STK3: variants seen among roughly 807,000 people sequenced by gnomAD.
STK3 encodes the protein serine/threonine kinase 3, also known as serine/threonine-protein kinase 3.
STK3 carries 41 observed loss-of-function variants against 58.0 expected under a neutral mutation model. The ratio of observed to expected loss-of-function variants is 0.71; its 90% CI spans 0.55 to 0.92. The LOEUF (loss-of-function observed/expected upper bound fraction) is 0.92, where lower values mean the gene tolerates loss of function less well. Among genes scored for constraint, STK3 ranks in the 40% least tolerant of loss-of-function variants. The pLI is 0.00. For synonymous variants in STK3, 170 were observed against 191.0 expected (o/e 0.89, Z 0.91); for missense variants, 479 against 602.7 (o/e 0.79, Z 2.15).
intron 8 of STK3, among the ~76,000 whole-genome samples, chr8:98,572,679 C>T (rs187201238): frequency 4.6e-5 from 7 of 152,198 alleles, no homozygotes; most frequent in Non-Finnish European, 7.4e-5. Context: ...CTGCCTATCT[C>T]GTTCTTTTAA....
rs1328164482 is a variant in STK3 at position 98,455,318 on chromosome 8, C to G, written c.*524G>C. The G allele has an allele frequency of 6.6e-6, 1 of 152,214 alleles. No homozygotes were observed. The highest frequency in any genetic ancestry group is 1.9e-4 in the East Asian group (1 of 5,200). 9.4% of individuals were successfully genotyped at this position (152,214 alleles called of 1,614,324 possible). ...GGAAATCAAGGAATGTACCCCATAG[C>G]TCCCTGCAGAAAGTATAAATTGGTT... On this transcript the variant is annotated 3_prime_UTR_variant, in exon 11 of 11. Coordinates refer to ENST00000419617, the MANE Select transcript of STK3 (RefSeq NM_006281.4).
chr8:98,353,286 C>A, the STK3 span, among the ~76,000 whole-genome samples: 333 of 152,032 alleles, frequency 2.2e-3, 5 homozygotes, highest in Admixed American at 0.014. Flanking sequence ...TCAACCTGGG[C>A]AACATAAGGA....
At chr8:98,883,351 G>T, downstream of STK3, 1 of 271,832 alleles carries the variant, frequency 3.7e-6, no homozygotes, top group Non-Finnish European at 7.2e-6. Flanking sequence ...GGCTTGATGA[G>T]GTCACTCTCC....
intron 1 of STK3, among the ~76,000 whole-genome samples, chr8:98,933,086 T>C (rs1347471654): frequency 1.3e-5 from 2 of 152,140 alleles, no homozygotes; most frequent in Non-Finnish European, 2.9e-5. Flanking sequence ...CTCCAACACA[T>C]AGAATGGGGT....
intron 6 of STK3, among the ~76,000 whole-genome samples, chr8:98,700,882 A>C (rs775667129): frequency 1.3e-5 from 2 of 152,150 alleles, no homozygotes; most frequent in Non-Finnish European, 2.9e-5. Flanking sequence ...TTACGCCTGT[A>C]CTCCCAACTA....
At chr8:98,739,647 A>C (rs1828996943) in intron 4 of STK3, among the ~76,000 whole-genome samples, 1 of 148,746 alleles carries the variant, frequency 6.7e-6, no homozygotes, top group African/African-American at 2.5e-5. Context: ...GATGGGGAAA[A>C]AACAGAGCAG....
At chr8:98,718,611 A>G (rs1436052994) in intron 4 of STK3, among the ~76,000 whole-genome samples, 1 of 152,190 alleles carries the variant, frequency 6.6e-6, no homozygotes, top group Admixed American at 6.5e-5. Context: ...TATACACCAA[A>G]GATCAAGGCT....
upstream of STK3, among the ~76,000 whole-genome samples, chr8:98,826,306 C>T (rs188832776): frequency 2.0e-5 from 3 of 152,218 alleles, no homozygotes; most frequent in African/African-American, 7.2e-5. Context: ...ATGTTTTCCC[C>T]CAGCCATTTG....
chr8:98,547,404 T>C (rs956571050), intron 9 of STK3, among the ~76,000 whole-genome samples: 10 of 152,194 alleles, frequency 6.6e-5, no homozygotes, highest in Admixed American at 5.9e-4. Flanking sequence ...GAGAGAATGT[T>C]TGATCATCAT....
At chr8:98,526,979 T>C in intron 9 of STK3, 62 bp from the exon 10 acceptor site, 4 of 1,315,796 alleles carry the variant, frequency 3.0e-6, no homozygotes, top group African/African-American at 1.5e-5. Flanking sequence ...GTATTTTCTT[T>C]GAAGTATGAT....
chr8:98,792,527 C>T (rs1832869701), intron 1 of STK3, among the ~76,000 whole-genome samples: 2 of 152,004 alleles, frequency 1.3e-5, no homozygotes, highest in South Asian at 2.1e-4. Flanking sequence ...AGAAACCCCG[C>T]CCCTACTAAA....
chr8:98,378,166 G>A (rs1465878375), intron 2 of STK3, among the ~76,000 whole-genome samples: 12 of 152,186 alleles, frequency 7.9e-5, no homozygotes, highest in Admixed American at 7.9e-4. Flanking sequence ...ATGGCAAGAG[G>A]TTACGGGGGA....
intron 6 of STK3, among the ~76,000 whole-genome samples, chr8:98,699,419 T>C (rs2131017011): frequency 6.6e-6 from 1 of 152,310 alleles, no homozygotes; most frequent in East Asian, 1.9e-4. Flanking sequence ...CTGCGTTCCT[T>C]TGGAGGAGGA....
intron 4 of STK3, among the ~76,000 whole-genome samples, chr8:98,735,101 G>A (rs1053640810): frequency 9.9e-5 from 15 of 151,920 alleles, no homozygotes; most frequent in African/African-American, 2.9e-4. Flanking sequence ...TATTAATACC[G>A]AATAGTAGCC....
At chr8:98,420,707 G>A (rs1164551306) in intron 3 of STK3, among the ~76,000 whole-genome samples, 1 of 152,120 alleles carries the variant, frequency 6.6e-6, no homozygotes, top group African/African-American at 2.4e-5. Flanking sequence ...CCCACTTAAT[G>A]GGCATCATTA....
At position 98,656,665 on chromosome 8, in the gene STK3, T is replaced by C. The variant is rs540108206; in HGVS notation, c.684+49802A>G. Among the ~76,000 whole-genome samples the C allele has an allele frequency of 1.8e-4, 27 of 152,264 alleles. No homozygotes were observed. In the East Asian group the frequency reaches 2.7e-3, roughly 15 times the overall value. On this transcript the variant is annotated intron_variant, in intron 6 of 10. Coordinates refer to ENST00000419617, the MANE Select transcript of STK3 (RefSeq NM_006281.4). Reference sequence around the variant, plus strand: ...TTATTTTCAGTTAAAGGCTATTAATTAGTGCGTCCTTTTTATTTCAAAAAT... The same window carrying C: ...TTATTTTCAGTTAAAGGCTATTAATCAGTGCGTCCTTTTTATTTCAAAAAT...
chr8:98,592,115 A>G (rs1451630419), intron 7 of STK3, among the ~76,000 whole-genome samples: 1 of 152,184 alleles, frequency 6.6e-6, no homozygotes, highest in African/African-American at 2.4e-5. Context: ...GTTATCAAAG[A>G]CATTCTTTTC....
chr8:98,505,999 C>G (rs1824032085), intron 10 of STK3, among the ~76,000 whole-genome samples: 1 of 152,206 alleles, frequency 6.6e-6, no homozygotes, highest in Admixed American at 6.5e-5. Context: ...GCCCTGCCCC[C>G]AGAGGTGGGG....
At chr8:98,720,390 A>C (rs990778670) in intron 4 of STK3, among the ~76,000 whole-genome samples, 6 of 152,198 alleles carry the variant, frequency 3.9e-5, no homozygotes, top group African/African-American at 1.2e-4. Flanking sequence ...TTCTTCAACA[A>C]TCAATATTAC....
Sources: allele counts gnomAD v4.1 joint callset (sites outside exome capture counted in the v4.1 genomes callset), GRCh38; gene constraint gnomAD v4.1.1; transcripts MANE v1.5; gene names NCBI Gene and HGNC (gene_info 2026-07-23, HGNC 2026-07-21).